The following FBXL7 variants were observed in gnomAD, a reference collection of about 807,000 sequenced individuals.
The protein encoded by FBXL7 is F-box/LRR-repeat protein 7.
Under a neutral mutation model 38.3 loss-of-function variants are expected in FBXL7, and 12 were observed. The observed-to-expected ratio is 0.31, with a 90% confidence interval of 0.20 to 0.51. The LOEUF is 0.51. Among genes scored for constraint, FBXL7 ranks in the 20% least tolerant of loss-of-function variants. The pLI is 0.98. For synonymous variants in FBXL7, 297 were observed against 300.9 expected (o/e 0.99, Z 0.13); for missense variants, 567 against 676.4 (o/e 0.84, Z 1.79).
chr5:15,722,492 T>A (rs563284073), intron 2 of FBXL7, among the ~76,000 whole-genome samples: 89 of 152,324 alleles, frequency 5.8e-4, no homozygotes, highest in Non-Finnish European at 8.4e-4. Flanking sequence ...TTGGCTGTTT[T>A]GGCAGGGCAT....
At chr5:15,598,651 T>C (rs1739699642) in intron 1 of FBXL7, among the ~76,000 whole-genome samples, 1 of 152,178 alleles carries the variant, frequency 6.6e-6, no homozygotes, top group African/African-American at 2.4e-5. Flanking sequence ...TTGTTGACTC[T>C]CCTTTGTAAT....
intron 1 of FBXL7, among the ~76,000 whole-genome samples, chr5:15,551,373 T>C (rs1169347159): frequency 2.6e-5 from 4 of 152,238 alleles, no homozygotes; most frequent in Non-Finnish European, 5.9e-5. Context: ...AAGTTCTTTC[T>C]ACAAAGAATT....
intron 2 of FBXL7, among the ~76,000 whole-genome samples, chr5:15,885,697 A>G (rs1740647607): frequency 6.6e-6 from 1 of 152,070 alleles, no homozygotes; most frequent in Non-Finnish European, 1.5e-5. Context: ...TTAAATATCC[A>G]TATTATTGTT....
chr5:15,767,240 TGTAA>T (rs763160869), intron 2 of FBXL7, among the ~76,000 whole-genome samples: 18 of 151,976 alleles, frequency 1.2e-4, no homozygotes, highest in East Asian at 1.9e-4. Context: ...AGCTCTCACT[TGTAA>T]GTGAGAATAT....
At chr5:15,710,088 C>A (rs1310109361) in intron 2 of FBXL7, among the ~76,000 whole-genome samples, 1 of 152,080 alleles carries the variant, frequency 6.6e-6, no homozygotes, top group East Asian at 1.9e-4. Context: ...CCCTTTTAGC[C>A]TTTTCTCAAC....
chr5:15,546,465 G>A (rs935982450), intron 1 of FBXL7, among the ~76,000 whole-genome samples: 4 of 152,254 alleles, frequency 2.6e-5, no homozygotes, highest in African/African-American at 9.6e-5. Context: ...TAGTCAGGAG[G>A]CTGAGGCAGG....
chr5:15,708,340 T>C (rs923639922), intron 2 of FBXL7, among the ~76,000 whole-genome samples: 11 of 152,214 alleles, frequency 7.2e-5, no homozygotes, highest in Admixed American at 6.5e-4. Context: ...CGAATCTCAT[T>C]GTAGGACCTG....
At chr5:15,638,885 G>C (rs772300373) in intron 2 of FBXL7, among the ~76,000 whole-genome samples, 3 of 152,168 alleles carry the variant, frequency 2.0e-5, no homozygotes, top group African/African-American at 4.8e-5. Context: ...ACTAGATCGA[G>C]AGTAACAATG....
chr5:15,517,175 C>A (rs891562957), intron 1 of FBXL7, among the ~76,000 whole-genome samples: 1 of 152,004 alleles, frequency 6.6e-6, no homozygotes, highest in Admixed American at 6.5e-5. Context: ...CACAGTCGCC[C>A]GCCACCATGT....
At chr5:15,574,110 C>G (rs1738880544) in intron 1 of FBXL7, among the ~76,000 whole-genome samples, 1 of 152,150 alleles carries the variant, frequency 6.6e-6, no homozygotes, top group Admixed American at 6.5e-5. Context: ...ATTATTAATT[C>G]AAAGCCATTA....
chr5:15,516,841 C>T (rs955890572), intron 1 of FBXL7, among the ~76,000 whole-genome samples: 8 of 152,028 alleles, frequency 5.3e-5, no homozygotes, highest in Non-Finnish European at 7.4e-5. Context: ...TGAGGAAGGA[C>T]GCATTTGCTT....
At chr5:15,580,181 T>C (rs1020580058) in intron 1 of FBXL7, among the ~76,000 whole-genome samples, 2 of 152,100 alleles carry the variant, frequency 1.3e-5, no homozygotes, top group African/African-American at 4.8e-5. Flanking sequence ...CTCTCTGCCA[T>C]GTGAGGATAC....
chr5:15,803,665 A>G (rs141139189), intron 2 of FBXL7, among the ~76,000 whole-genome samples: 2 of 152,138 alleles, frequency 1.3e-5, no homozygotes, highest in East Asian at 3.9e-4. Flanking sequence ...AAAATTTATT[A>G]GATGACCTAC....
intron 1 of FBXL7, among the ~76,000 whole-genome samples, chr5:15,600,595 ATTGT>A (rs377186723): frequency 2.0e-5 from 3 of 152,144 alleles, no homozygotes; most frequent in African/African-American, 7.2e-5. Context: ...TTTGCTTATG[ATTGT>A]TTGATAAATG....
At chr5:15,612,660 C>G (rs914949667) in intron 1 of FBXL7, among the ~76,000 whole-genome samples, 3 of 152,098 alleles carry the variant, frequency 2.0e-5, no homozygotes, top group African/African-American at 7.2e-5. Flanking sequence ...GCGCTCTACT[C>G]CAGTGTTTGT....
At chr5:15,750,701 G>A (rs962284876) in intron 2 of FBXL7, among the ~76,000 whole-genome samples, 1 of 152,044 alleles carries the variant, frequency 6.6e-6, no homozygotes, top group Non-Finnish European at 1.5e-5. Context: ...TCCTGTTTTG[G>A]GGGTTTTGGA....
At chr5:15,707,174 G>GTTTTTTTTT (rs71603796) in intron 2 of FBXL7, among the ~76,000 whole-genome samples, 25 of 70,402 alleles carry the variant, frequency 3.6e-4, no homozygotes, top group Admixed American at 4.7e-4. Flanking sequence ...TTTTCTTTTC[G>GTTTTTTTTT]TTTTTTTTTT....
intron 2 of FBXL7, among the ~76,000 whole-genome samples, chr5:15,869,609 T>C (rs1003535412): frequency 3.3e-5 from 5 of 152,124 alleles, no homozygotes. Context: ...GATTTAGGGA[T>C]CCCTAAATAG....
In FBXL7 at chr5:15,699,658, C is replaced by T. The variant is rs144825671; in HGVS notation, c.127+83586C>T. Among the ~76,000 whole-genome samples, 278 of 152,294 alleles carry T rather than the reference C, an allele frequency of 1.8e-3. 5 individuals are homozygous for T. In the East Asian group the frequency reaches 0.047, roughly 26 times the overall value. ...TAGAACAGGTTAGGAGTTCCCAAATCAGAGTCAGAAACTGATCCATCCAGA... is the reference window on the plus strand; with the variant it reads ...TAGAACAGGTTAGGAGTTCCCAAATTAGAGTCAGAAACTGATCCATCCAGA... On this transcript the variant is annotated intron_variant, in intron 2 of 3. Coordinates refer to ENST00000504595, the MANE Select transcript of FBXL7 (RefSeq NM_012304.5).
Sources: allele counts gnomAD v4.1 joint callset (sites outside exome capture counted in the v4.1 genomes callset), GRCh38; gene constraint gnomAD v4.1.1; transcripts MANE v1.5; gene names NCBI Gene and HGNC (gene_info 2026-07-23, HGNC 2026-07-21).